The following DYTN variants were observed in gnomAD, a reference collection of about 807,000 sequenced individuals.
The protein encoded by DYTN is dystrotelin.
DYTN carries 75 observed loss-of-function variants against 69.6 expected under a neutral mutation model. The observed-to-expected ratio is 1.08, with a 90% CI of 0.89 to 1.31. The LOEUF (loss-of-function observed/expected upper bound fraction) is 1.31. Ranked by LOEUF, DYTN falls within the 50% of genes most tolerant of loss-of-function variation. DYTN has a pLI of 0.00. For missense variants in DYTN, 726 were observed against 688.4 expected, an observed-to-expected ratio of 1.05 and a Z score of -0.61; for synonymous variants, 252 against 249.1, an observed-to-expected ratio of 1.01 and a Z score of -0.11.
At chr2:206,671,488 C>A (rs1035299995) in intron 9 of DYTN, among the ~76,000 whole-genome samples, 1 of 152,112 alleles carries the variant, frequency 6.6e-6, no homozygotes, top group African/African-American at 2.4e-5. Flanking sequence ...TTTGAATCAG[C>A]GAACTTTACA....
chr2:206,681,017 T>C (rs1699745388), intron 9 of DYTN, among the ~76,000 whole-genome samples: 1 of 152,220 alleles, frequency 6.6e-6, no homozygotes, highest in Non-Finnish European at 1.5e-5. Context: ...GAGGATGGAA[T>C]ATTCTACCAT....
intron 8 of DYTN, among the ~76,000 whole-genome samples, chr2:206,693,643 C>T (rs933684733): frequency 1.3e-5 from 2 of 152,100 alleles, no homozygotes; most frequent in African/African-American, 4.8e-5. Flanking sequence ...GTTGTGGATG[C>T]CTTTGAGAAT....
rs1700069525 is a variant in DYTN at position 206,710,468 on chromosome 2, T to G, written c.94+56A>C. ...GAGTGTTTGTTTTCTCTATGAATTT[T>G]ACATCGCACATCAAGCTCAGATTAT... On this transcript the variant is annotated intron_variant, in intron 2 of 11. Transcript: ENST00000452335. 2.0e-6 allele frequency: 3 copies of G among 1,515,848 alleles called. No homozygotes were observed. The South Asian group carries it at 3.6e-5, about 18-fold the overall frequency. 93.9% of individuals were successfully genotyped at this position (1,515,848 alleles called of 1,614,324 possible).
Position 206,705,836 on chromosome 2 carries a change from C to T in DYTN, c.334G>A (p.Ala112Thr), listed in dbSNP as rs201045711. Reference protein sequence around the residue: ...TGFLQLMPAAAALITLSGDSP... With the variant: ...TGFLQLMPAATALITLSGDSP... Reference sequence around the variant, plus strand: ...TCTCCTGAGAGGGTTATTAGGGCAGCGGCCGCAGGCATAAGCTGGAGAAAA... The same window carrying T: ...TCTCCTGAGAGGGTTATTAGGGCAGTGGCCGCAGGCATAAGCTGGAGAAAA... Residue 112 changes from alanine (A) to threonine (T), a missense_variant, in exon 4 of 12, where the codon GCT becomes ACT. By Grantham distance (58) the Ala-to-Thr change is moderately conservative. Transcript: ENST00000452335. 41 of 1,613,836 alleles carry T rather than the reference C, an allele frequency of 2.5e-5. No homozygotes were observed. Among genetic ancestry groups the T allele is most frequent in the African/African-American group, 1.9e-4 (14 of 75,038 alleles).
intron 9 of DYTN, among the ~76,000 whole-genome samples, chr2:206,675,916 A>T (rs570573877): frequency 6.6e-6 from 1 of 152,354 alleles, no homozygotes; most frequent in South Asian, 2.1e-4. Context: ...TGATCATTAA[A>T]ATGTCTGGAA....
At position 206,684,588 on chromosome 2, in the gene DYTN, T is replaced by C. The variant is rs1008578625; in HGVS notation, c.980+8587A>G. On this transcript the variant is annotated intron_variant, in intron 9 of 11. Coordinates refer to ENST00000452335, the MANE Select transcript of DYTN (RefSeq NM_001093730.1). ...GGCAGAACCTTCAGCCTCCCAAAGT[T>C]CTGGGATCACAGGCATAAGCCTGGC... Among the ~76,000 whole-genome samples, 3 of 152,206 alleles carry C rather than the reference T, an allele frequency of 2.0e-5. No homozygotes were observed. In the East Asian group the frequency reaches 5.8e-4, roughly 29 times the overall value.
chr2:206,668,714 G>T (rs1699599747), intron 9 of DYTN, among the ~76,000 whole-genome samples: 1 of 152,080 alleles, frequency 6.6e-6, no homozygotes. Flanking sequence ...GATATGGTTT[G>T]GCTGTGTCCC....
Position 206,665,871 on chromosome 2 carries a change from T to G in DYTN, c.1139A>C (p.Gln380Pro), listed in dbSNP as rs376857940. The change falls in exon 10 of 12, where the codon CAG (glutamine) becomes CCG (proline). Residue 380 changes from glutamine to proline, a missense_variant and splice_region_variant. Gln to Pro is a moderately conservative substitution (Grantham distance 76, BLOSUM62 -1). Coordinates refer to ENST00000452335, the MANE Select transcript of DYTN (RefSeq NM_001093730.1). The stretch of plus-strand genomic sequence containing the variant: ...GCCAGTGTCCCTCACATTTTATACC[T>G]GTAGGTCCCGTCTTATCTGTTGTAG... ...TKLQQIRRDL[Q>P]ARLQPPGPSS... 6.2e-7 allele frequency: 1 copy of G among 1,613,478 alleles called. No homozygotes were observed. Among genetic ancestry groups the G allele is most frequent in the Admixed American group, 1.7e-5 (1 of 59,966 alleles).
chr2:206,708,264 C>T (rs901097822), intron 2 of DYTN, among the ~76,000 whole-genome samples: 2 of 152,168 alleles, frequency 1.3e-5, no homozygotes, highest in Middle Eastern at 3.2e-3. Context: ...CCCATAGCTT[C>T]TTGCAGAGAG....
chr2:206,675,240 T>G, intron 9 of DYTN, among the ~76,000 whole-genome samples: 1 of 146,298 alleles, frequency 6.8e-6, no homozygotes, highest in African/African-American at 2.5e-5. Flanking sequence ...TATGTATATA[T>G]GTAAATAAAC....
At chr2:206,672,576 A>G (rs961261327) in intron 9 of DYTN, among the ~76,000 whole-genome samples, 7 of 152,218 alleles carry the variant, frequency 4.6e-5, no homozygotes, top group African/African-American at 1.7e-4. Flanking sequence ...TAAAATGCAG[A>G]CAGGCCCAAT....
At chr2:206,696,442 C>A (rs1699920636) in intron 7 of DYTN, among the ~76,000 whole-genome samples, 1 of 151,930 alleles carries the variant, frequency 6.6e-6, no homozygotes, top group Non-Finnish European at 1.5e-5. Context: ...GTACTTCCAA[C>A]CCTGACTCCC....
intron 2 of DYTN, 90 bp downstream of exon 2, chr2:206,710,434 G>T (rs1700069185): frequency 2.5e-6 from 3 of 1,221,448 alleles, no homozygotes; most frequent in Admixed American, 4.6e-5. Context: ...GTAGTCAGCT[G>T]CATGGGGGGA....
Position 206,718,260 on chromosome 2 carries a change from C to A in DYTN, c.19+1G>T. ...CTCAGAAACTTGACAATAATACTCA[C>A]CTTGTTTATCTGGATCCATTTCACA... is the stretch of plus-strand genomic sequence containing the variant. On this transcript the variant is annotated splice_donor_variant, in intron 1 of 11. Coordinates refer to ENST00000452335, the MANE Select transcript of DYTN (RefSeq NM_001093730.1). LOFTEE classifies it high-confidence loss of function. 2.5e-6 allele frequency: 4 copies of A among 1,597,084 alleles called. No homozygotes were observed. The highest frequency in any genetic ancestry group is 3.4e-6 in the Non-Finnish European group (4 of 1,171,770).
At chr2:206,652,583 A>G (rs1699400136) in intron 11 of DYTN, among the ~76,000 whole-genome samples, 1 of 152,264 alleles carries the variant, frequency 6.6e-6, no homozygotes, top group Non-Finnish European at 1.5e-5. Flanking sequence ...ACACCAAAGT[A>G]TTTTTGTGAT....
At chr2:206,675,233 G>T (rs1264608270) in intron 9 of DYTN, among the ~76,000 whole-genome samples, 5 of 143,540 alleles carry the variant, frequency 3.5e-5, no homozygotes, top group Non-Finnish European at 7.5e-5. Flanking sequence ...AAATATATAT[G>T]TATATATGTA....
At chr2:206,690,606 G>A (rs1008545035) in intron 9 of DYTN, among the ~76,000 whole-genome samples, 4 of 152,184 alleles carry the variant, frequency 2.6e-5, no homozygotes, top group South Asian at 4.1e-4. Flanking sequence ...AGACTCACTC[G>A]GAGTTCAAAT....
chr2:206,699,668 C>T, intron 7 of DYTN, 59 bp downstream of exon 7: 2 of 1,534,418 alleles, frequency 1.3e-6, no homozygotes, highest in South Asian at 1.3e-5. Flanking sequence ...AGGGATGCAG[C>T]TCCAACTGTA....
At position 206,707,451 on chromosome 2, in the gene DYTN, G is replaced by GA. The variant is rs755730909; in HGVS notation, c.146dup (p.Trp50LeufsTer88). On this transcript the variant is annotated frameshift_variant, in exon 3 of 12. Coordinates refer to ENST00000452335, the MANE Select transcript of DYTN (RefSeq NM_001093730.1). LOFTEE classifies it high-confidence loss of function. ...AAAGGGAGTGCTTGCGAGCTTCCCA[G>GA]AAACTTGGACGCAGTAGGACCTGCT... is the stretch of plus-strand genomic sequence containing the variant. 1 of 1,612,904 alleles carries GA rather than the reference G, an allele frequency of 6.2e-7. No individual in the cohort carries two copies. Among genetic ancestry groups the GA allele is most frequent in the Non-Finnish European group, 8.5e-7 (1 of 1,179,546 alleles).
Sources: allele counts gnomAD v4.1 joint callset (sites outside exome capture counted in the v4.1 genomes callset), GRCh38; gene constraint gnomAD v4.1.1; transcripts MANE v1.5; gene names NCBI Gene and HGNC (gene_info 2026-07-23, HGNC 2026-07-21).